DNAH8: variants seen among roughly 807,000 people sequenced by gnomAD.
DNAH8 encodes the protein axonemal beta dynein heavy chain 8.
Under a neutral mutation model 562.1 loss-of-function variants are expected in DNAH8, and 382 were observed. The ratio of observed to expected loss-of-function variants is 0.68; its 90% CI spans 0.63 to 0.74. DNAH8 has a LOEUF of 0.74. Ranked by LOEUF, DNAH8 falls within the 30% of genes least tolerant of loss-of-function variation. The pLI is 0.00. For synonymous variants in DNAH8, 1,881 were observed against 1,919.4 expected (o/e 0.98, Z 0.52); for missense variants, 5,203 against 5,620.4 (o/e 0.93, Z 2.37).
At chr6:38,984,348 A>C (rs752076405) in intron 87 of DNAH8, 41 bp downstream of exon 87, 13 of 1,358,722 alleles carry the variant, frequency 9.6e-6, no homozygotes, top group Non-Finnish European at 1.4e-5. Context: ...GACACATTTC[A>C]CTGTATTTTC....
intron 7 of DNAH8, 43 bp downstream of exon 7, chr6:38,738,015 T>G (rs1255643078): frequency 1.3e-6 from 2 of 1,581,002 alleles, no homozygotes; most frequent in Non-Finnish European, 1.7e-6. Flanking sequence ...GTAGTTTTCA[T>G]GTGCATCCTA....
chr6:38,717,014 T>G (rs984421903), intron 1 of DNAH8, among the ~76,000 whole-genome samples: 1 of 152,166 alleles, frequency 6.6e-6, no homozygotes, highest in Non-Finnish European at 1.5e-5. Flanking sequence ...CTGGGCAGCA[T>G]AGTGAGATCC....
At chr6:38,918,356 A>G (rs557623642) in intron 70 of DNAH8, among the ~76,000 whole-genome samples, 53 of 152,310 alleles carry the variant, frequency 3.5e-4, no homozygotes, top group African/African-American at 1.3e-3. Flanking sequence ...TGAAACCAAC[A>G]TGTTAACTTA....
chr6:38,855,316 C>T (rs540687685), intron 41 of DNAH8, among the ~76,000 whole-genome samples: 5 of 152,156 alleles, frequency 3.3e-5, no homozygotes, highest in South Asian at 4.1e-4. Flanking sequence ...CCATGGCACA[C>T]GTTTACCTAT....
intron 79 of DNAH8, among the ~76,000 whole-genome samples, chr6:38,940,152 G>T (rs1269548642): frequency 2.0e-5 from 3 of 152,138 alleles, no homozygotes; most frequent in African/African-American, 7.2e-5. Flanking sequence ...CACGTGTAAG[G>T]ATCAAAGAAA....
Position 38,896,196 on chromosome 6 carries a change from G to T in DNAH8, c.8911G>T (p.Val2971Leu). 1.9e-6 allele frequency: 3 copies of T among 1,613,796 alleles called. No individual in the cohort carries two copies. The highest frequency in any genetic ancestry group is 2.5e-6 in the Non-Finnish European group (3 of 1,179,904). ...AACTGGTGATGAACCTGAAGACTCT[G>T]TGTTTGAAGTACCCAAAATATATGA... ...EPTGDEPEDS[V>L]FEVPKIYELM... The change falls in exon 60 of 93, where the codon GTG (valine) becomes TTG (leucine). Residue 2971 changes from valine (V) to leucine (L), a missense_variant. Transcript: ENST00000327475.
chr6:38,785,344 G>A (rs1045923372), intron 17 of DNAH8, among the ~76,000 whole-genome samples: 1 of 152,052 alleles, frequency 6.6e-6, no homozygotes, highest in Non-Finnish European at 1.5e-5. Context: ...GTTCACATAC[G>A]ATGAAATGCT....
chr6:38,978,336 A>G (rs1312897889), intron 85 of DNAH8, among the ~76,000 whole-genome samples: 3 of 152,168 alleles, frequency 2.0e-5, no homozygotes, highest in Non-Finnish European at 4.4e-5. Flanking sequence ...CTTCATTCGG[A>G]AAAGTGTTTG....
chr6:38,808,755 C>T (rs543507409), intron 24 of DNAH8, among the ~76,000 whole-genome samples: 94 of 152,286 alleles, frequency 6.2e-4, no homozygotes, highest in African/African-American at 2.1e-3. Flanking sequence ...GAATACTATG[C>T]AGCCATAAAG....
In DNAH8 at chr6:38,896,135, AT is replaced by A; in HGVS notation, c.8851del (p.Tyr2951ThrfsTer30). On this transcript the variant is annotated frameshift_variant, in exon 60 of 93. Coordinates refer to ENST00000327475, the MANE Select transcript of DNAH8 (RefSeq NM_001206927.2). LOFTEE classifies it high-confidence loss of function. ...CAGCGTCGTGTATTCTTCCTGAACC[AT>A]ACTTTGTGGATTTTCTTCGTGAGAT... ...DAASCILPEPYFVDFLREMPE... is the reference protein window; with the variant it reads ...DAASCILPEPXFVDFLREMPE... 6.2e-7 allele frequency: 1 copy of A among 1,613,970 alleles called. No individual in the cohort carries two copies. The highest frequency in any genetic ancestry group is 1.7e-5 in the Admixed American group (1 of 60,004).
Position 38,850,242 on chromosome 6 carries a change from C to T in DNAH8, c.5200-9C>T, listed in dbSNP as rs773530901. On this transcript the variant is annotated splice_polypyrimidine_tract_variant and intron_variant, in intron 37 of 92. Transcript: ENST00000327475. ...TGCTAATCTTTACTGGCTATGGATG[C>T]ATTTTCAGGAAGCAAAACGTTTTCA... is the stretch of plus-strand genomic sequence containing the variant. 8 of 1,611,082 alleles carry T rather than the reference C, an allele frequency of 5.0e-6. No individual in the cohort carries two copies. The highest frequency in any genetic ancestry group is 1.6e-4 in the Middle Eastern group (1 of 6,066).
At chr6:38,883,301 A>T in intron 54 of DNAH8, 21 bp from the exon 55 acceptor site, 1 of 1,582,506 alleles carries the variant, frequency 6.3e-7, no homozygotes, top group Non-Finnish European at 8.6e-7. Flanking sequence ...ACATTTCAAC[A>T]CTATTATCCT....
chr6:38,802,127 G>A (rs953141346), intron 21 of DNAH8, among the ~76,000 whole-genome samples: 16 of 152,002 alleles, frequency 1.1e-4, no homozygotes, highest in Middle Eastern at 3.4e-3. Flanking sequence ...GTAGAGATGG[G>A]GTCTCGCCAT....
At chr6:38,772,285 C>T (rs146248798) in intron 12 of DNAH8, among the ~76,000 whole-genome samples, 4,485 of 152,232 alleles carry the variant, frequency 0.029, 230 homozygotes, top group African/African-American at 0.1. Context: ...ACCTCGACCT[C>T]CCAAAGTGCT....
intron 17 of DNAH8, among the ~76,000 whole-genome samples, chr6:38,784,138 C>T (rs1768917959): frequency 6.6e-6 from 1 of 152,156 alleles, no homozygotes; most frequent in Non-Finnish European, 1.5e-5. Flanking sequence ...GTAGGTAAGC[C>T]TTTAATAAGC....
intron 9 of DNAH8, among the ~76,000 whole-genome samples, chr6:38,752,834 G>A (rs1364534495): frequency 6.6e-6 from 1 of 152,158 alleles, no homozygotes; most frequent in Non-Finnish European, 1.5e-5. Flanking sequence ...GAGGGGACAG[G>A]AAGACTTTAG....
chr6:38,836,746 A>G (rs1006655645), intron 32 of DNAH8, among the ~76,000 whole-genome samples: 1 of 152,080 alleles, frequency 6.6e-6, no homozygotes, highest in Non-Finnish European at 1.5e-5. Flanking sequence ...GGTGCCTTAT[A>G]TTGGGCCTTG....
At position 38,722,907 on chromosome 6, in the gene DNAH8, C is replaced by A. The variant is rs762962212; in HGVS notation, c.98C>A (p.Ala33Asp). 2.5e-6 allele frequency: 4 copies of A among 1,612,260 alleles called. No individual in the cohort carries two copies. The highest frequency in any genetic ancestry group is 3.4e-6 in the Non-Finnish European group (4 of 1,179,664). ...AAPPRSEEEE[A>D]PRPPTVEAPA... ...CCTCCCCGTTCAGAAGAGGAAGAGG[C>A]CCCGCGCCCTCCGACAGTGGAGGCC... The change falls in exon 2 of 93, where the codon GCC becomes GAC. Residue 33 changes from alanine (A) to aspartate (D), a missense_variant. Ala to Asp is a moderately radical substitution (Grantham distance 126). This residue lies in a region of DNAH8 where 556 missense variants were observed against 496.9 expected (regional missense o/e 1.12). Transcript: ENST00000327475.
chr6:38,870,358 G>A (rs1777372742), intron 48 of DNAH8, 43 bp from the exon 49 acceptor site: 2 of 1,586,002 alleles, frequency 1.3e-6, no homozygotes, highest in Non-Finnish European at 1.7e-6. Context: ...ATAAATGTTT[G>A]TTGACTGAAT....
Sources: allele counts gnomAD v4.1 joint callset (sites outside exome capture counted in the v4.1 genomes callset), GRCh38; gene constraint gnomAD v4.1.1; regional missense constraint gnomAD v4.1.1; transcripts MANE v1.5; gene names NCBI Gene and HGNC (gene_info 2026-07-23, HGNC 2026-07-21).